AMPH: variants seen among roughly 807,000 people sequenced by gnomAD.
The protein encoded by AMPH is amphiphysin, also known as amphiphysin (Stiff-Mann syndrome with breast cancer 128kD autoantigen).
Under a neutral mutation model 99.1 loss-of-function variants are expected in AMPH, and 49 were observed. The observed-to-expected ratio is 0.49, with a 90% CI of 0.39 to 0.63. The LOEUF (loss-of-function observed/expected upper bound fraction) is 0.63. AMPH is among the 20% of genes least tolerant of loss of function. The probability of loss-of-function intolerance (pLI) is 0.00; values close to 1 mark genes in which losing one functional copy is unlikely to be tolerated. For missense variants in AMPH, 759 were observed against 863.4 expected (o/e 0.88, Z 1.52); for synonymous variants, 314 against 317.3 (o/e 0.99, Z 0.11).
In AMPH at chr7:38,505,261, A is replaced by G. The variant is rs1408635211; in HGVS notation, c.151-1557T>C. ...GATTCTGAATTAGGATATTTTCCATATAACACTTGCATTGTGCAGGTATAG... is the reference window on the plus strand; with the variant it reads ...GATTCTGAATTAGGATATTTTCCATGTAACACTTGCATTGTGCAGGTATAG... On this transcript the variant is annotated intron_variant, in intron 2 of 20. Transcript: ENST00000356264. Among the ~76,000 whole-genome samples, 10 of 152,254 alleles carry G rather than the reference A, an allele frequency of 6.6e-5. 1 individual carries two copies.
chr7:38,387,542 A>T (rs1784381242), intron 20 of AMPH, among the ~76,000 whole-genome samples: 3 of 152,168 alleles, frequency 2.0e-5, no homozygotes, highest in Admixed American at 2.0e-4. Flanking sequence ...AGCAGAGGAA[A>T]CACTCATAGC....
intron 1 of AMPH, among the ~76,000 whole-genome samples, chr7:38,589,781 C>T (rs1160070007): frequency 6.6e-6 from 1 of 152,196 alleles, no homozygotes; most frequent in Admixed American, 6.5e-5. Context: ...CAACCTGATA[C>T]ATCCTTAATC....
chr7:38,387,887 G>A lies in AMPH; in HGVS notation c.1980+1917C>T, dbSNP rs756759785. ...GTCAGGGAAAGTCACTTTGCATACA[G>A]AGAAGCAATATTAAACAAATGACAG... On this transcript the variant is annotated intron_variant, in intron 20 of 20. Coordinates refer to ENST00000356264, the MANE Select transcript of AMPH (RefSeq NM_001635.4). 5.3e-4 allele frequency among the ~76,000 whole-genome samples: 80 copies of A among 151,450 alleles called. No homozygotes were observed. The Middle Eastern group carries it at 0.017, about 32-fold the overall frequency.
intron 1 of AMPH, among the ~76,000 whole-genome samples, chr7:38,601,442 C>G (rs1286576737): frequency 6.6e-6 from 1 of 152,178 alleles, no homozygotes; most frequent in East Asian, 1.9e-4. Context: ...AATCCAAGTT[C>G]CATTTTGTGA....
chr7:38,444,503 G>T (rs888946360), intron 11 of AMPH, among the ~76,000 whole-genome samples: 2 of 152,084 alleles, frequency 1.3e-5, no homozygotes, highest in East Asian at 1.9e-4. Context: ...GACACACAGG[G>T]AAAATGCCAT....
intron 1 of AMPH, among the ~76,000 whole-genome samples, chr7:38,605,771 A>T (rs1670326037): frequency 6.6e-6 from 1 of 151,950 alleles, no homozygotes; most frequent in Admixed American, 6.6e-5. Flanking sequence ...AAGTAGAGAC[A>T]GGGTTTCACT....
At chr7:38,552,609 T>A (rs1791218096) in intron 1 of AMPH, among the ~76,000 whole-genome samples, 1 of 152,180 alleles carries the variant, frequency 6.6e-6, no homozygotes, top group South Asian at 2.1e-4. Context: ...AGACCACTTG[T>A]GCCCAAACAC....
chr7:38,572,196 C>T (rs1461629128), intron 1 of AMPH, among the ~76,000 whole-genome samples: 13 of 152,160 alleles, frequency 8.5e-5, no homozygotes, highest in Admixed American at 8.5e-4. Context: ...TGAGCCACCA[C>T]ACCTGGCCAG....
At position 38,544,969 on chromosome 7, in the gene AMPH, A is replaced by G. The variant is rs555794155; in HGVS notation, c.70-9958T>C. ...GCTCACATCTTCGACTTTCTATGAT[A>G]CAGATGGATCTTTTAGAGCTAAAGG... On this transcript the variant is annotated intron_variant, in intron 1 of 20. Coordinates refer to ENST00000356264, the MANE Select transcript of AMPH (RefSeq NM_001635.4). 4.6e-5 allele frequency among the ~76,000 whole-genome samples: 7 copies of G among 152,332 alleles called. No homozygotes were observed. The East Asian group carries it at 1.2e-3, about 25-fold the overall frequency.
At chr7:38,461,534 A>C in intron 10 of AMPH, 123 bp from the exon 11 acceptor site, 1 of 1,147,246 alleles carries the variant, frequency 8.7e-7, no homozygotes, top group Non-Finnish European at 1.3e-6. Context: ...ATCTGCATAT[A>C]GCAGCAAGCC....
intron 1 of AMPH, among the ~76,000 whole-genome samples, chr7:38,627,385 T>G (rs28601638): frequency 6.2e-5 from 1 of 16,250 alleles, no homozygotes; most frequent in African/African-American, 6.2e-4. Context: ...CTACTAAAAA[T>G]ACAAAAAAAA....
intron 1 of AMPH, among the ~76,000 whole-genome samples, chr7:38,622,978 C>T (rs566882316): frequency 1.3e-5 from 2 of 152,188 alleles, no homozygotes; most frequent in East Asian, 1.9e-4. Flanking sequence ...GGGATAAGAA[C>T]GGTATCCGAA....
intron 1 of AMPH, among the ~76,000 whole-genome samples, chr7:38,620,633 G>T (rs1213793521): frequency 6.6e-6 from 1 of 150,680 alleles, no homozygotes; most frequent in East Asian, 2.0e-4. Flanking sequence ...GCATCCAAAT[G>T]CAATTAAGAC....
intron 17 of AMPH, among the ~76,000 whole-genome samples, chr7:38,406,713 C>CCTCTCTCCCTCTCTCTCTCTCTCT (rs1562732244): frequency 1.8e-5 from 2 of 111,032 alleles, no homozygotes; most frequent in East Asian, 3.6e-4. Context: ...TCTCTCCTCT[C>CCTCTCTCCCTCTCTCTCTCTCTCT]CTCTCTCTCT....
At chr7:38,415,438 C>A (rs1292033477) in intron 17 of AMPH, among the ~76,000 whole-genome samples, 1 of 152,164 alleles carries the variant, frequency 6.6e-6, no homozygotes, top group Non-Finnish European at 1.5e-5. Context: ...GCTAGGGACA[C>A]AATGTGGATT....
intron 11 of AMPH, among the ~76,000 whole-genome samples, chr7:38,454,279 C>T (rs1382104131): frequency 6.6e-6 from 1 of 152,174 alleles, no homozygotes; most frequent in Non-Finnish European, 1.5e-5. Context: ...ATTATCAATA[C>T]ACCATCTCTG....
chr7:38,428,282 G>A (rs981087390), intron 14 of AMPH: 1 of 456,608 alleles, frequency 2.2e-6, no homozygotes, highest in Non-Finnish European at 4.4e-6. Flanking sequence ...TTCCCCAAGA[G>A]TCTATCTCTG....
rs1380987875 is a variant in AMPH at position 38,447,207 on chromosome 7, C to T, written c.1018-10819G>A. Among the ~76,000 whole-genome samples, 62 of 152,204 alleles carry T rather than the reference C, an allele frequency of 4.1e-4. 2 individuals are homozygous for T. Among genetic ancestry groups the T allele is most frequent in the Admixed American group, 4.1e-3 (62 of 15,300 alleles). On this transcript the variant is annotated intron_variant, in intron 11 of 20. Transcript: ENST00000356264. ...GTCAATTTTGTATTTTTAGTAGAGA[C>T]AGAATTTCTCCATGTTAGCCAGGTT...
rs568439449 is a variant in AMPH at position 38,630,898 on chromosome 7, C to CCGGGGAGATGCGAGCG, written c.69+369_69+384dup. ...GCCTGCGGGCGCGCTGGGAGCCGGC[C>CCGGGGAGATGCGAGCG]CGGGGAGATGCGAGCGCAGGGAGAT... On this transcript the variant is annotated intron_variant, in intron 1 of 20. Coordinates refer to ENST00000356264, the MANE Select transcript of AMPH (RefSeq NM_001635.4). Among the ~76,000 whole-genome samples, 959 of 152,292 alleles carry CCGGGGAGATGCGAGCG rather than the reference C, an allele frequency of 6.3e-3. 6 individuals carry two copies. Among genetic ancestry groups the CCGGGGAGATGCGAGCG allele is most frequent in the African/African-American group, 0.022 (935 of 41,582 alleles).
Sources: allele counts gnomAD v4.1 joint callset (sites outside exome capture counted in the v4.1 genomes callset), GRCh38; gene constraint gnomAD v4.1.1; transcripts MANE v1.5; gene names NCBI Gene and HGNC (gene_info 2026-07-23, HGNC 2026-07-21).